Variants in PLA2G4A observed in about 807,000 individuals in gnomAD.
PLA2G4A encodes cytosolic phospholipase A2.
PLA2G4A carries 40 observed loss-of-function variants against 81.9 expected under a neutral mutation model. That is an observed-to-expected ratio of 0.49 (90% CI 0.38 to 0.64). The LOEUF (loss-of-function observed/expected upper bound fraction) is 0.64, where lower values mean the gene tolerates loss of function less well. Among genes scored for constraint, PLA2G4A ranks in the 30% least tolerant of loss-of-function variants. PLA2G4A has a pLI of 0.00. For missense variants in PLA2G4A, 715 were observed against 905.1 expected (o/e 0.79, Z 2.69); for synonymous variants, 302 against 296.9 (o/e 1.02, Z -0.18).
intron 8 of PLA2G4A, among the ~76,000 whole-genome samples, chr1:186,933,612 C>T (rs1655829709): frequency 1.3e-5 from 2 of 152,126 alleles, no homozygotes; most frequent in East Asian, 1.9e-4. Flanking sequence ...ATAAGAGTAT[C>T]ATCTTATTAC....
intron 1 of PLA2G4A, among the ~76,000 whole-genome samples, chr1:186,836,194 A>G (rs1033055626): frequency 1.3e-5 from 2 of 151,482 alleles, no homozygotes; most frequent in African/African-American, 4.8e-5. Flanking sequence ...ATACCCCAGT[A>G]TTAATATATA....
At chr1:186,913,468 T>C (rs2102160747) in intron 7 of PLA2G4A, among the ~76,000 whole-genome samples, 1 of 152,188 alleles carries the variant, frequency 6.6e-6, no homozygotes. Context: ...TATATATCTG[T>C]CCATCTTTCT....
chr1:186,937,672 A>G (rs1469194049), intron 8 of PLA2G4A, among the ~76,000 whole-genome samples: 2 of 151,802 alleles, frequency 1.3e-5, no homozygotes, highest in African/African-American at 4.8e-5. Context: ...AGGAATTATA[A>G]TTTATTGTGA....
chr1:186,892,680 C>T (rs911065668), intron 3 of PLA2G4A, among the ~76,000 whole-genome samples: 1 of 152,112 alleles, frequency 6.6e-6, no homozygotes, highest in African/African-American at 2.4e-5. Flanking sequence ...GTCATGTTGG[C>T]GTTAGCTGGG....
At chr1:186,987,382 G>A (rs577771832) in intron 17 of PLA2G4A, among the ~76,000 whole-genome samples, 150 of 152,358 alleles carry the variant, frequency 9.8e-4, no homozygotes, top group Non-Finnish European at 1.7e-3. Flanking sequence ...TGAAAAGCCC[G>A]TGGACTGTAC....
intron 8 of PLA2G4A, among the ~76,000 whole-genome samples, chr1:186,938,410 G>T (rs1280937637): frequency 6.6e-6 from 1 of 152,074 alleles, no homozygotes; most frequent in Non-Finnish European, 1.5e-5. Context: ...TTACTTTAAA[G>T]ACTTTATTTC....
chr1:186,889,642 T>G (rs930377216), intron 3 of PLA2G4A, among the ~76,000 whole-genome samples: 2 of 152,220 alleles, frequency 1.3e-5, no homozygotes, highest in Non-Finnish European at 2.9e-5. Flanking sequence ...GATTACGTTT[T>G]TTGATGACCA....
At chr1:186,930,238 G>A (rs553295535) in intron 7 of PLA2G4A, among the ~76,000 whole-genome samples, 11 of 152,254 alleles carry the variant, frequency 7.2e-5, no homozygotes, top group Admixed American at 3.3e-4. Flanking sequence ...TCAACTTTAC[G>A]TACAAATATC....
At chr1:186,857,801 G>A (rs943770193) in intron 2 of PLA2G4A, among the ~76,000 whole-genome samples, 29 of 151,936 alleles carry the variant, frequency 1.9e-4, no homozygotes, top group African/African-American at 7.0e-4. Context: ...CCCGCTCTGT[G>A]TCCAAGTGAT....
intron 8 of PLA2G4A, among the ~76,000 whole-genome samples, chr1:186,934,029 G>C (rs1271639452): frequency 2.0e-5 from 3 of 152,040 alleles, no homozygotes; most frequent in Non-Finnish European, 4.4e-5. Context: ...CCCTCAAAAT[G>C]ATTTATTTCT....
chr1:186,940,213 A>G (rs531751549), intron 10 of PLA2G4A, 119 bp downstream of exon 10: 1 of 711,086 alleles, frequency 1.4e-6, no homozygotes, highest in South Asian at 1.5e-5. Context: ...ATTTTCTGTA[A>G]CATAAGACTT....
At position 186,965,622 on chromosome 1, in the gene PLA2G4A, C is replaced by G. The variant is rs547295995; in HGVS notation, c.1764+29C>G. 8.2e-5 allele frequency: 121 copies of G among 1,471,406 alleles called. No individual in the cohort carries two copies. The Middle Eastern group carries it at 1.2e-3, about 15-fold the overall frequency. The allele number at this position is 1,471,406 out of a possible 1,614,324, so 91.1% of individuals were successfully genotyped here. A position where few individuals can be genotyped will look rare whatever the true frequency, so the allele number is the denominator to read the frequency against. On this transcript the variant is annotated intron_variant, in intron 15 of 17. Transcript: ENST00000367466. ...AGGATACATAATACAGCATTCCATT[C>G]TCTACCACATTCTCTTGCTTGCCTT...
intron 1 of PLA2G4A, among the ~76,000 whole-genome samples, chr1:186,849,806 A>G (rs1268408840): frequency 6.6e-6 from 1 of 152,050 alleles, no homozygotes; most frequent in Non-Finnish European, 1.5e-5. Flanking sequence ...GGAATCTCCA[A>G]GAGGGAAGGG....
intron 1 of PLA2G4A, among the ~76,000 whole-genome samples, chr1:186,849,966 G>A (rs749531699): frequency 6.6e-6 from 1 of 152,096 alleles, no homozygotes; most frequent in Non-Finnish European, 1.5e-5. Flanking sequence ...ACATTTGAAG[G>A]AAAGAAAACC....
intron 11 of PLA2G4A, 27 bp downstream of exon 11, chr1:186,946,801 A>G: frequency 1.2e-6 from 2 of 1,600,164 alleles, no homozygotes; most frequent in Non-Finnish European, 1.7e-6. Flanking sequence ...AAAATATATC[A>G]TTGACTTGCT....
At chr1:186,981,709 T>C (rs1003799556) in intron 17 of PLA2G4A, among the ~76,000 whole-genome samples, 12 of 152,134 alleles carry the variant, frequency 7.9e-5, no homozygotes, top group Non-Finnish European at 1.3e-4. Context: ...TCTGTAACCA[T>C]TAACTAGTAA....
intron 12 of PLA2G4A, among the ~76,000 whole-genome samples, chr1:186,949,329 AG>A (rs1315278136): frequency 0.021 from 2,779 of 130,896 alleles, 100 homozygotes; most frequent in African/African-American, 0.067. Context: ...GAAGGAAGGA[AG>A]GAAAGAAGAA....
chr1:186,940,658 AGTT>A (rs778863464), intron 10 of PLA2G4A, among the ~76,000 whole-genome samples: 2 of 152,306 alleles, frequency 1.3e-5, no homozygotes, highest in Non-Finnish European at 1.5e-5. Context: ...CTAGGTAAAT[AGTT>A]GTTATATTGT....
intron 3 of PLA2G4A, among the ~76,000 whole-genome samples, chr1:186,871,473 T>C (rs540744331): frequency 5.3e-5 from 8 of 152,144 alleles, no homozygotes; most frequent in Non-Finnish European, 1.0e-4. Flanking sequence ...GATTGCAATG[T>C]ATCGTCCAGG....
Sources: gnomAD v4.1 joint callset for allele counts (sites outside exome capture counted in the v4.1 genomes callset) on GRCh38, gnomAD v4.1.1 for gene constraint, MANE v1.5 for transcripts, NCBI Gene and HGNC (gene_info 2026-07-23, HGNC 2026-07-21) for gene names.